GALNT10: variants seen among roughly 807,000 people sequenced by gnomAD.
The protein encoded by GALNT10 is polypeptide N-acetylgalactosaminyltransferase 10, also known as GalNAc transferase 10.
GALNT10 carries 41 observed loss-of-function variants against 75.0 expected under a neutral mutation model. That is an observed-to-expected ratio of 0.55 (90% CI 0.43 to 0.71). The LOEUF is 0.71. Ranked by LOEUF, GALNT10 falls within the 30% of genes least tolerant of loss-of-function variation. The pLI, the probability that GALNT10 is intolerant of heterozygous loss-of-function variation, is 0.00. For missense variants in GALNT10, 727 were observed against 818.5 expected, an observed-to-expected ratio of 0.89 and a Z score of 1.36; for synonymous variants, 302 against 313.0, an observed-to-expected ratio of 0.96 and a Z score of 0.37.
rs1485855804 is a variant in GALNT10 at position 154,418,579 on chromosome 5, CTG to C, written c.*1608_*1609del. 1 of 152,202 alleles carries C rather than the reference CTG, an allele frequency of 6.6e-6. No individual in the cohort carries two copies. Among genetic ancestry groups the C allele is most frequent in the Non-Finnish European group, 1.5e-5 (1 of 68,046 alleles). 9.4% of individuals were successfully genotyped at this position (152,202 alleles called of 1,614,324 possible). On this transcript the variant is annotated 3_prime_UTR_variant, in exon 12 of 12. Transcript: ENST00000297107. ...ATTGTGTCATTTACCAATTAAATAA[CTG>C]AGACCTAAGTCTGGGAACAGAGCCA...
chr5:154,281,597 C>G (rs937314770), intron 1 of GALNT10, among the ~76,000 whole-genome samples: 1 of 152,200 alleles, frequency 6.6e-6, no homozygotes, highest in Admixed American at 6.5e-5. Context: ...AAACTGAAGC[C>G]TGTGTCTTTT....
chr5:154,370,655 G>A (rs79658604), intron 4 of GALNT10, among the ~76,000 whole-genome samples: 5,664 of 152,262 alleles, frequency 0.037, 156 homozygotes, highest in African/African-American at 0.074. Context: ...GGGGCAAGAC[G>A]AGGCTGAAGA....
At chr5:154,202,457 T>C (rs1316581437) in intron 1 of GALNT10, among the ~76,000 whole-genome samples, 2 of 152,216 alleles carry the variant, frequency 1.3e-5, no homozygotes, top group Admixed American at 1.3e-4. Flanking sequence ...TGTGCCCATC[T>C]CAGTTCATCA....
chr5:154,360,325 C>T (rs572849636), intron 4 of GALNT10, among the ~76,000 whole-genome samples: 1 of 152,110 alleles, frequency 6.6e-6, no homozygotes, highest in African/African-American at 2.4e-5. Context: ...GTGGCACATG[C>T]CTGTAATCCC....
At chr5:154,194,865 AT>A (rs1774911839) in intron 1 of GALNT10, among the ~76,000 whole-genome samples, 1 of 152,234 alleles carries the variant, frequency 6.6e-6, no homozygotes, top group South Asian at 2.1e-4. Context: ...TAGGGAATAG[AT>A]ACTGTGTTAG....
At chr5:154,254,881 A>G (rs1486038497) in intron 1 of GALNT10, among the ~76,000 whole-genome samples, 3 of 152,102 alleles carry the variant, frequency 2.0e-5, no homozygotes, top group African/African-American at 7.2e-5. Flanking sequence ...GTCATCAGGG[A>G]CCTGGTTCTT....
chr5:154,380,581 G>A lies in GALNT10; in HGVS notation c.888G>A (p.Arg296=). The A allele has an allele frequency of 6.2e-7, 1 of 1,614,016 alleles. No individual in the cohort carries two copies. Among genetic ancestry groups the A allele is most frequent in the Non-Finnish European group, 8.5e-7 (1 of 1,179,924 alleles). Residue 296 remains arginine, a synonymous_variant, in exon 6 of 12, where the codon CGG becomes CGA. Transcript: ENST00000297107. ...GAFDWEMYYK[R]IPIPPELQKA... ...TTGACTGGGAGATGTACTACAAGCG[G>A]ATCCCGATCCCTCCAGAACTGCAGA... is the stretch of plus-strand genomic sequence containing the variant.
chr5:154,280,791 A>G (rs900551075), intron 1 of GALNT10, among the ~76,000 whole-genome samples: 10 of 152,296 alleles, frequency 6.6e-5, no homozygotes, highest in Middle Eastern at 3.4e-3. Flanking sequence ...ATCTATTTCA[A>G]GTTTATATCA....
At chr5:154,308,352 C>A (rs1754465081) in intron 3 of GALNT10, among the ~76,000 whole-genome samples, 1 of 151,994 alleles carries the variant, frequency 6.6e-6, no homozygotes, top group South Asian at 2.1e-4. Flanking sequence ...CCACTTGCCC[C>A]CATAATAATG....
At chr5:154,383,648 C>T (rs1038638783) in intron 6 of GALNT10, among the ~76,000 whole-genome samples, 7 of 152,130 alleles carry the variant, frequency 4.6e-5, no homozygotes, top group African/African-American at 9.7e-5. Flanking sequence ...CTGCTTTGAC[C>T]GAGGCTGATT....
At chr5:154,253,909 C>A (rs1051876464) in intron 1 of GALNT10, among the ~76,000 whole-genome samples, 4 of 152,068 alleles carry the variant, frequency 2.6e-5, no homozygotes, top group Non-Finnish European at 5.9e-5. Context: ...CCTAGAAGAT[C>A]AGCTTTAAGA....
intron 4 of GALNT10, among the ~76,000 whole-genome samples, chr5:154,359,784 A>G (rs1755354559): frequency 6.6e-6 from 1 of 150,874 alleles, no homozygotes; most frequent in Non-Finnish European, 1.5e-5. Context: ...TAAGTATTTT[A>G]TTATATCAAG....
intron 7 of GALNT10, among the ~76,000 whole-genome samples, chr5:154,398,151 G>C (rs987803542): frequency 6.6e-6 from 1 of 152,220 alleles, no homozygotes; most frequent in Admixed American, 6.5e-5. Flanking sequence ...GCAGTGAAAG[G>C]GTCCTGGAAA....
intron 1 of GALNT10, among the ~76,000 whole-genome samples, chr5:154,214,106 G>GC (rs1315948023): frequency 6.6e-6 from 1 of 152,104 alleles, no homozygotes; most frequent in East Asian, 1.9e-4. Flanking sequence ...AATACTGAAA[G>GC]CCTTTTTGAT....
intron 1 of GALNT10, among the ~76,000 whole-genome samples, chr5:154,256,076 T>G (rs7701364): frequency 0.36 from 53,929 of 151,874 alleles, 11,758 homozygotes; most frequent in East Asian, 0.76. Context: ...AGCTCCCAGA[T>G]CTTCCTTCTC....
At chr5:154,375,263 T>C (rs895429948) in intron 4 of GALNT10, among the ~76,000 whole-genome samples, 1 of 152,190 alleles carries the variant, frequency 6.6e-6, no homozygotes, top group African/African-American at 2.4e-5. Flanking sequence ...GCATACAGCT[T>C]TTCTCCTGAT....
intron 1 of GALNT10, among the ~76,000 whole-genome samples, chr5:154,197,195 G>T (rs1774958631): frequency 6.6e-6 from 1 of 152,170 alleles, no homozygotes; most frequent in South Asian, 2.1e-4. Context: ...ATTGAAAGCT[G>T]TCTTTATTGA....
In GALNT10 at chr5:154,412,005, C is replaced by G. The variant is rs571030617; in HGVS notation, c.1387-884C>G. Among the ~76,000 whole-genome samples the G allele has an allele frequency of 4.6e-5, 7 of 152,258 alleles. No individual in the cohort carries two copies. The highest frequency in any genetic ancestry group is 3.4e-3 in the Middle Eastern group (1 of 294). ...AAGAGTCCCCAAGCCAAATCACCAGCCAGAGGAGTTCAACATCTCGCAAGA... is the reference window on the plus strand; with the variant it reads ...AAGAGTCCCCAAGCCAAATCACCAGGCAGAGGAGTTCAACATCTCGCAAGA... On this transcript the variant is annotated intron_variant, in intron 9 of 11. Coordinates refer to ENST00000297107, the MANE Select transcript of GALNT10 (RefSeq NM_198321.4). This position sits in a 1 kb window ranked among gnomAD's most constrained non-coding sequence, Gnocchi z 4.2.
intron 4 of GALNT10, among the ~76,000 whole-genome samples, chr5:154,351,412 A>G (rs1703430482): frequency 6.6e-6 from 1 of 152,212 alleles, no homozygotes; most frequent in South Asian, 2.1e-4. Flanking sequence ...AACACAACCA[A>G]ATACCCATGG....
Sources: gnomAD v4.1 joint callset for allele counts (sites outside exome capture counted in the v4.1 genomes callset) on GRCh38, gnomAD v4.1.1 for gene constraint, Gnocchi (gnomAD v3.1) non-coding constraint, MANE v1.5 for transcripts, NCBI Gene and HGNC (gene_info 2026-07-23, HGNC 2026-07-21) for gene names.